The following AXDND1 variants were observed in gnomAD, a reference collection of about 807,000 sequenced individuals.
The protein encoded by AXDND1 is axonemal dynein light chain domain-containing protein 1.
Under a neutral mutation model 137.5 loss-of-function variants are expected in AXDND1, and 110 were observed. The ratio of observed to expected loss-of-function variants is 0.80; its 90% CI spans 0.69 to 0.94. The LOEUF (loss-of-function observed/expected upper bound fraction) is 0.94. AXDND1 is among the 40% of genes least tolerant of loss of function. AXDND1 has a pLI of 0.00. For synonymous variants in AXDND1, 414 were observed against 399.7 expected (o/e 1.04, Z -0.43); for missense variants, 1,191 against 1,169.8 (o/e 1.02, Z -0.26).
At chr1:179,494,407 C>A (rs1473414382) in intron 20 of AXDND1, among the ~76,000 whole-genome samples, 1 of 152,034 alleles carries the variant, frequency 6.6e-6, no homozygotes, top group Non-Finnish European at 1.5e-5. Context: ...AATGTCTGTT[C>A]AAATCTTTGA....
At chr1:179,492,058 A>G (rs1353333805) in intron 19 of AXDND1, among the ~76,000 whole-genome samples, 3 of 152,056 alleles carry the variant, frequency 2.0e-5, no homozygotes, top group Admixed American at 2.0e-4. Flanking sequence ...TAAGAAGAAT[A>G]TTGTAGTTTC....
chr1:179,458,878 G>A (rs371828552), intron 16 of AXDND1, among the ~76,000 whole-genome samples: 8 of 150,836 alleles, frequency 5.3e-5, no homozygotes, highest in African/African-American at 1.7e-4. Context: ...TTTTTTGGTG[G>A]TTCTAGAAAA....
At chr1:179,542,293 A>G (rs1672245956) in intron 25 of AXDND1, among the ~76,000 whole-genome samples, 1 of 152,284 alleles carries the variant, frequency 6.6e-6, no homozygotes, top group African/African-American at 2.4e-5. Context: ...AAAGGATAGT[A>G]CTGGAAAGAC....
intron 21 of AXDND1, among the ~76,000 whole-genome samples, chr1:179,509,877 G>A (rs10913805): frequency 0.72 from 109,296 of 151,956 alleles, 40,449 homozygotes; most frequent in South Asian, 0.84. Flanking sequence ...CCCATCCTAA[G>A]AAGGATGTCC....
At position 179,488,634 on chromosome 1, in the gene AXDND1, C is replaced by CTTTTCTTT. The variant is rs376189496; in HGVS notation, c.2092-2904_2092-2903insTTTTCTTT. On this transcript the variant is annotated intron_variant, in intron 18 of 25. Coordinates refer to ENST00000367618, the MANE Select transcript of AXDND1 (RefSeq NM_144696.6). ...TTTCTTTCTTTCTCTCTCTCTCTCTCCTTTCTTTCTTTCTTTCTTTCTTTC... is the reference window on the plus strand; with the variant it reads ...TTTCTTTCTTTCTCTCTCTCTCTCTCTTTTCTTTCTTTCTTTCTTTCTTTCTTTCTTTC... Among the ~76,000 whole-genome samples the CTTTTCTTT allele has an allele frequency of 1.7e-3, 175 of 105,250 alleles. 11 individuals are homozygous for CTTTTCTTT. The highest frequency in any genetic ancestry group is 2.6e-3 in the African/African-American group (67 of 25,652). 69.0% of individuals were successfully genotyped at this position (105,250 alleles called of 152,430 possible). A position where few individuals can be genotyped will look rare whatever the true frequency, so the allele number is the denominator to read the frequency against.
intron 12 of AXDND1, among the ~76,000 whole-genome samples, chr1:179,414,435 A>ATTTATTTATTTATTTT (rs1032149429): frequency 1.5e-5 from 2 of 132,802 alleles, no homozygotes; most frequent in African/African-American, 5.6e-5. Context: ...TTATTTATTT[A>ATTTATTTATTTATTTT]TTTTTTTGAG....
At chr1:179,547,179 T>A (rs1226231987) in intron 25 of AXDND1, among the ~76,000 whole-genome samples, 1 of 152,216 alleles carries the variant, frequency 6.6e-6, no homozygotes, top group Admixed American at 6.5e-5. Context: ...AAATTAGGAA[T>A]AAAACTGCTG....
chr1:179,418,008 T>G lies in AXDND1; in HGVS notation c.1230+6742T>G, dbSNP rs866577779. Among the ~76,000 whole-genome samples, 61 of 151,568 alleles carry G rather than the reference T, an allele frequency of 4.0e-4. 1 individual carries two copies. Among genetic ancestry groups the G allele is most frequent in the Admixed American group, 1.7e-3 (26 of 15,196 alleles). On this transcript the variant is annotated intron_variant, in intron 12 of 25. Coordinates refer to ENST00000367618, the MANE Select transcript of AXDND1 (RefSeq NM_144696.6). ...TATTTTATTTATTTATTTATTTTTT[T>G]ATTGATCATTCTTGGGTGTTTCTCG...
At chr1:179,529,515 A>G (rs1335989410) in intron 23 of AXDND1, among the ~76,000 whole-genome samples, 1 of 152,248 alleles carries the variant, frequency 6.6e-6, no homozygotes, top group Non-Finnish European at 1.5e-5. Flanking sequence ...AGTAAAGAAT[A>G]CAGACTGAGT....
In AXDND1 at chr1:179,528,349, A is replaced by C; in HGVS notation, c.2633A>C (p.Lys878Thr). 1 of 1,613,808 alleles carries C rather than the reference A, an allele frequency of 6.2e-7. No homozygotes were observed. The highest frequency in any genetic ancestry group is 8.5e-7 in the Non-Finnish European group (1 of 1,179,724). ...TAGCAACCTTCAACATCTACAGAGA[A>C]GGAAAAACTCATTCGATTCATTGGA... The part of the protein sequence containing the change: ...AEEQPSTSTE[K>T]EKLIRFIGED... Residue 878 changes from lysine to threonine, a missense_variant, in exon 23 of 26, where the codon AAG becomes ACG. Lys to Thr is a moderately conservative substitution (Grantham distance 78). Transcript: ENST00000367618.
At chr1:179,547,798 C>G (rs1672785208) in intron 25 of AXDND1, among the ~76,000 whole-genome samples, 1 of 152,114 alleles carries the variant, frequency 6.6e-6, no homozygotes, top group Admixed American at 6.5e-5. Context: ...CAAACTGTCC[C>G]CATCCCTACC....
chr1:179,476,529 GA>G (rs1444853610), intron 17 of AXDND1, among the ~76,000 whole-genome samples: 1 of 150,466 alleles, frequency 6.6e-6, no homozygotes, highest in African/African-American at 2.4e-5. Flanking sequence ...TTATTGTAAG[GA>G]AAGTCTACTA....
Position 179,418,938 on chromosome 1 carries a change from G to A in AXDND1, c.1230+7672G>A, listed in dbSNP as rs1322063456. Among the ~76,000 whole-genome samples the A allele has an allele frequency of 5.3e-5, 8 of 151,530 alleles. No individual in the cohort carries two copies. The Middle Eastern group carries it at 0.01, about 195-fold the overall frequency. Reference sequence around the variant, plus strand: ...CAGAGACGCTCCTCACCTCCCAGACGGGGTCGCCGCCGGGCAGAGGCGCTC... The same window carrying A: ...CAGAGACGCTCCTCACCTCCCAGACAGGGTCGCCGCCGGGCAGAGGCGCTC... On this transcript the variant is annotated intron_variant, in intron 12 of 25. Coordinates refer to ENST00000367618, the MANE Select transcript of AXDND1 (RefSeq NM_144696.6).
At chr1:179,497,558 T>C (rs1199069755) in intron 20 of AXDND1, among the ~76,000 whole-genome samples, 2 of 152,140 alleles carry the variant, frequency 1.3e-5, no homozygotes, top group Non-Finnish European at 2.9e-5. Flanking sequence ...TCGTACTGAA[T>C]TCAGGGCAAA....
At chr1:179,504,589 A>C (rs141905588) in intron 20 of AXDND1, among the ~76,000 whole-genome samples, 1,597 of 152,302 alleles carry the variant, frequency 0.01, 33 homozygotes, top group African/African-American at 0.035. Context: ...TCCTGAGGGA[A>C]CTTCAGGGTT....
chr1:179,401,467 T>C (rs984254723), intron 11 of AXDND1, among the ~76,000 whole-genome samples: 1 of 152,154 alleles, frequency 6.6e-6, no homozygotes, highest in Non-Finnish European at 1.5e-5. Context: ...AAAAATTGAT[T>C]GAAGAGTGAT....
chr1:179,483,316 G>A (rs1396312094), intron 18 of AXDND1, 95 bp downstream of exon 18: 1 of 725,432 alleles, frequency 1.4e-6, no homozygotes, highest in Non-Finnish European at 2.2e-6. Context: ...AATGAAGCAG[G>A]AGGTTGAGAG....
intron 16 of AXDND1, among the ~76,000 whole-genome samples, chr1:179,464,041 A>G (rs183121999): frequency 1.3e-3 from 197 of 152,268 alleles, no homozygotes; most frequent in Middle Eastern, 6.8e-3. Context: ...TCCTGAATAC[A>G]GCACACTGAT....
chr1:179,448,122 G>C, intron 16 of AXDND1: 1 of 902,952 alleles, frequency 1.1e-6, no homozygotes, highest in Non-Finnish European at 1.8e-6. Flanking sequence ...TTTTTCTTCT[G>C]TATATGGAGT....
Sources: gnomAD v4.1 joint callset for allele counts (sites outside exome capture counted in the v4.1 genomes callset) on GRCh38, gnomAD v4.1.1 for gene constraint, MANE v1.5 for transcripts, NCBI Gene and HGNC (gene_info 2026-07-23, HGNC 2026-07-21) for gene names.